Variants in DNAH7 observed in about 807,000 individuals in gnomAD.
The protein encoded by DNAH7 is dynein axonemal heavy chain 7.
A neutral mutation model predicts 444.6 loss-of-function variants in DNAH7; 397 were observed. The ratio of observed to expected loss-of-function variants is 0.89; its 90% CI spans 0.82 to 0.97. DNAH7 has a LOEUF of 0.97. Ranked by LOEUF, DNAH7 falls within the 50% of genes least tolerant of loss-of-function variation. The probability of loss-of-function intolerance (pLI) is 0.00; values close to 1 mark genes in which losing one functional copy is unlikely to be tolerated. For synonymous variants in DNAH7, 1,636 were observed against 1,624.4 expected, an observed-to-expected ratio of 1.01 and a Z score of -0.17; for missense variants, 4,902 against 4,800.8, an observed-to-expected ratio of 1.02 and a Z score of -0.62.
intron 17 of DNAH7, among the ~76,000 whole-genome samples, chr2:195,965,674 G>A (rs2125550403): frequency 6.6e-6 from 1 of 152,176 alleles, no homozygotes; most frequent in Admixed American, 6.5e-5. Flanking sequence ...GTTTTGGATT[G>A]CTGCATGGTT....
intron 5 of DNAH7, among the ~76,000 whole-genome samples, chr2:196,029,855 A>G (rs1489980292): frequency 6.7e-6 from 1 of 148,830 alleles, no homozygotes; most frequent in Non-Finnish European, 1.5e-5. Flanking sequence ...GAAAAGAACT[A>G]TATTTATTTT....
At chr2:196,009,453 A>C (rs920524232) in intron 10 of DNAH7, among the ~76,000 whole-genome samples, 2 of 152,214 alleles carry the variant, frequency 1.3e-5, no homozygotes, top group African/African-American at 4.8e-5. Context: ...GAACAAAAAA[A>C]GTCCCAAGGT....
At chr2:195,812,330 A>G (rs1004992081) in intron 51 of DNAH7, among the ~76,000 whole-genome samples, 11 of 152,074 alleles carry the variant, frequency 7.2e-5, no homozygotes, top group African/African-American at 2.7e-4. Flanking sequence ...TCACAATGTC[A>G]TGGTCTCAGT....
intron 34 of DNAH7, 92 bp from the exon 35 acceptor site, chr2:195,884,901 C>T: frequency 9.7e-7 from 1 of 1,032,312 alleles, no homozygotes. Context: ...AGATTAGTAT[C>T]TCTGAAAGGA....
intron 25 of DNAH7, among the ~76,000 whole-genome samples, chr2:195,908,634 A>G (rs1302970330): frequency 6.6e-6 from 1 of 152,004 alleles, no homozygotes; most frequent in African/African-American, 2.4e-5. Flanking sequence ...GCTGAATAGT[A>G]TTTCATTGTA....
At chr2:195,777,710 C>G in intron 59 of DNAH7, 90 bp downstream of exon 59, 1 of 1,366,242 alleles carries the variant, frequency 7.3e-7, no homozygotes. Context: ...AAAACAAGGC[C>G]TGCAGCAAAA....
chr2:196,065,786 T>C (rs140081079), intron 1 of DNAH7, among the ~76,000 whole-genome samples: 1 of 152,336 alleles, frequency 6.6e-6, no homozygotes, highest in African/African-American at 2.4e-5. Context: ...CCATCAGGCC[T>C]AGCCATGGTA....
At chr2:195,740,743 A>G (rs781018981) in intron 64 of DNAH7, 23 bp downstream of exon 64, 1 of 1,188,154 alleles carries the variant, frequency 8.4e-7, no homozygotes, top group South Asian at 2.2e-5. Context: ...TTCCACATGT[A>G]TATATAATTA....
intron 8 of DNAH7, among the ~76,000 whole-genome samples, chr2:196,023,694 A>C (rs1519618): frequency 0.24 from 36,612 of 152,140 alleles, 7,871 homozygotes; most frequent in African/African-American, 0.57. Flanking sequence ...CATGTGTTCA[A>C]TGGAATAGCA....
chr2:195,748,024 AG>A (rs1262373727), intron 63 of DNAH7, among the ~76,000 whole-genome samples: 2 of 152,204 alleles, frequency 1.3e-5, no homozygotes, highest in Non-Finnish European at 2.9e-5. Context: ...GTATTCAATT[AG>A]GATAAGAGGA....
At chr2:195,759,379 T>C (rs1023569584) in intron 61 of DNAH7, among the ~76,000 whole-genome samples, 5 of 152,128 alleles carry the variant, frequency 3.3e-5, no homozygotes, top group African/African-American at 1.2e-4. Context: ...TGGCCCTGAA[T>C]AATAAGCAGC....
chr2:195,857,786 T>C, intron 43 of DNAH7, 63 bp from the exon 44 acceptor site: 1 of 1,381,008 alleles, frequency 7.2e-7, no homozygotes, highest in Non-Finnish European at 9.7e-7. Context: ...TTGTAAGTGG[T>C]TCCTATTTTC....
chr2:195,769,086 A>G (rs1364862427), intron 61 of DNAH7, among the ~76,000 whole-genome samples: 5 of 152,198 alleles, frequency 3.3e-5, no homozygotes, highest in Non-Finnish European at 7.3e-5. Flanking sequence ...CAAATTTGAA[A>G]TATTTTCTTC....
At chr2:195,768,897 T>C (rs1262399273) in intron 61 of DNAH7, among the ~76,000 whole-genome samples, 1 of 152,198 alleles carries the variant, frequency 6.6e-6, no homozygotes, top group Non-Finnish European at 1.5e-5. Flanking sequence ...GGTTTTGTCT[T>C]ATGTATTGGA....
At chr2:196,006,343 T>C (rs1389639294) in intron 10 of DNAH7, among the ~76,000 whole-genome samples, 1 of 152,114 alleles carries the variant, frequency 6.6e-6, no homozygotes, top group African/African-American at 2.4e-5. Flanking sequence ...CATGACCATG[T>C]AGAATCTACC....
intron 61 of DNAH7, among the ~76,000 whole-genome samples, chr2:195,759,966 C>T (rs1025262938): frequency 2.0e-5 from 3 of 152,224 alleles, no homozygotes; most frequent in African/African-American, 7.2e-5. Flanking sequence ...GTGTGATCCA[C>T]TGCACCTGAT....
At chr2:195,958,562 G>T (rs891040978) in intron 18 of DNAH7, among the ~76,000 whole-genome samples, 1 of 152,076 alleles carries the variant, frequency 6.6e-6, no homozygotes, top group Admixed American at 6.6e-5. Flanking sequence ...TTTATAAGAT[G>T]TAACTGGCAT....
chr2:195,922,233 A>G, intron 23 of DNAH7, 36 bp from the exon 24 acceptor site: 1 of 1,221,484 alleles, frequency 8.2e-7, no homozygotes, highest in East Asian at 2.4e-5. Flanking sequence ...TTAAACAATA[A>G]AATTGTAAAT....
Position 195,884,340 on chromosome 2 carries a change from G to T in DNAH7, c.5763+245C>A, listed in dbSNP as rs143406145. 1.3e-3 allele frequency among the ~76,000 whole-genome samples: 191 copies of T among 152,314 alleles called. 5 individuals are homozygous for T. The East Asian group carries it at 0.035, about 28-fold the overall frequency. On this transcript the variant is annotated intron_variant, in intron 35 of 64. Transcript: ENST00000312428. ...GTCCATTAGATATTATTATCTCATAGTATCATTGGAAAGAACTATGTTCAG... is the reference window on the plus strand; with the variant it reads ...GTCCATTAGATATTATTATCTCATATTATCATTGGAAAGAACTATGTTCAG...
Sources: allele counts gnomAD v4.1 joint callset (sites outside exome capture counted in the v4.1 genomes callset), GRCh38; gene constraint gnomAD v4.1.1; transcripts MANE v1.5; gene names NCBI Gene and HGNC (gene_info 2026-07-23, HGNC 2026-07-21).